The following EYS variants were observed in gnomAD, a reference collection of about 807,000 sequenced individuals.
The protein encoded by EYS is protein eyes shut homolog.
A neutral mutation model predicts 282.1 loss-of-function variants in EYS; 250 were observed. The observed-to-expected ratio is 0.89, with a 90% confidence interval of 0.80 to 0.98. EYS has a LOEUF of 0.98. Among genes scored for constraint, EYS ranks in the 50% least tolerant of loss-of-function variants. The pLI, the probability that EYS is intolerant of heterozygous loss-of-function variation, is 0.00. For synonymous variants in EYS, 1,355 were observed against 1,282.9 expected (o/e 1.06, Z -1.20); for missense variants, 4,016 against 3,709.0 (o/e 1.08, Z -2.15).
intron 35 of EYS, among the ~76,000 whole-genome samples, chr6:63,947,127 A>T (rs1201817020): frequency 6.6e-6 from 1 of 152,054 alleles, no homozygotes; most frequent in African/African-American, 2.4e-5. Flanking sequence ...ATACTTTTTA[A>T]GAAAAGTATA....
intron 8 of EYS, among the ~76,000 whole-genome samples, chr6:65,380,069 T>G (rs899194810): frequency 6.6e-6 from 1 of 152,012 alleles, no homozygotes; most frequent in Non-Finnish European, 1.5e-5. Context: ...GATTCAATGC[T>G]ATTCCCATCA....
rs1769271377 is a variant in EYS at position 65,692,251 on chromosome 6, T to C, written c.-448+14884A>G. ...AACATAGAGCGTGGAATAATAGGCA[T>C]AGGAGACTTGGAAAGTGGGGAGGTG... On this transcript the variant is annotated intron_variant, in intron 1 of 42. Transcript: ENST00000503581. 1.3e-5 allele frequency among the ~76,000 whole-genome samples: 2 copies of C among 150,000 alleles called. 1 individual carries two copies. The highest frequency in any genetic ancestry group is 4.5e-4 in the East Asian group (2 of 4,402).
At chr6:64,075,277 T>C (rs1364550616) in intron 32 of EYS, among the ~76,000 whole-genome samples, 1 of 151,874 alleles carries the variant, frequency 6.6e-6, no homozygotes, top group Non-Finnish European at 1.5e-5. Flanking sequence ...GGTAAGCTAG[T>C]TTGTCAGTGG....
intron 11 of EYS, among the ~76,000 whole-genome samples, chr6:65,322,059 A>G (rs977290914): frequency 6.6e-6 from 1 of 151,192 alleles, no homozygotes; most frequent in Non-Finnish European, 1.5e-5. Context: ...CAGAGAAAAG[A>G]GATGGAGACG....
intron 22 of EYS, among the ~76,000 whole-genome samples, chr6:64,707,886 A>G (rs914834964): frequency 6.6e-6 from 1 of 152,084 alleles, no homozygotes; most frequent in Non-Finnish European, 1.5e-5. Flanking sequence ...AAGAAAAAAA[A>G]CATGAAGTTG....
intron 31 of EYS, among the ~76,000 whole-genome samples, chr6:64,089,402 TAAG>T (rs1174719793): frequency 3.3e-5 from 5 of 149,568 alleles, no homozygotes; most frequent in Non-Finnish European, 4.5e-5. Context: ...TATATATAAA[TAAG>T]AATCAATTTA....
rs746633031 is a variant in EYS at position 65,344,129 on chromosome 6, A to G, written c.1508T>C (p.Leu503Pro). 7 of 1,610,670 alleles carry G rather than the reference A, an allele frequency of 4.3e-6. No homozygotes were observed. In the South Asian group the frequency reaches 5.5e-5, roughly 13 times the overall value. ...CQGVIDAYFF[L>P]AANCTEDATY... is the part of the protein sequence containing the mutation. The stretch of plus-strand genomic sequence containing the variant: ...TGCATCTTCAGTGCAGTTTGCAGCC[A>G]GAAAGAAATAGGCATCAATAACCCC... Residue 503 changes from leucine to proline, a missense_variant, in exon 10 of 43, where the codon CTG (leucine) becomes CCG (proline). Physicochemically the swap from Leu to Pro is moderately conservative, Grantham distance 98. Transcript: ENST00000503581.
intron 7 of EYS, among the ~76,000 whole-genome samples, chr6:65,397,936 A>G (rs1426615832): frequency 1.3e-5 from 2 of 152,056 alleles, no homozygotes; most frequent in African/African-American, 4.8e-5. Flanking sequence ...TTGACTTTTT[A>G]GTAATAACCA....
At chr6:64,423,966 A>G (rs557437608) in intron 28 of EYS, among the ~76,000 whole-genome samples, 1 of 152,336 alleles carries the variant, frequency 6.6e-6, no homozygotes, top group South Asian at 2.1e-4. Flanking sequence ...TTGGAAGAAA[A>G]TGTTTATTTT....
At chr6:64,672,910 A>T (rs1769516659) in intron 22 of EYS, among the ~76,000 whole-genome samples, 1 of 152,200 alleles carries the variant, frequency 6.6e-6, no homozygotes, top group African/African-American at 2.4e-5. Context: ...TATTGCCAGC[A>T]TTCTAAAACT....
chr6:64,318,005 A>C (rs982647889), intron 29 of EYS, among the ~76,000 whole-genome samples: 2 of 151,930 alleles, frequency 1.3e-5, no homozygotes, highest in African/African-American at 2.4e-5. Context: ...AGAGAGGGGA[A>C]TATCACACAC....
chr6:65,341,688 T>C (rs1159514069), intron 10 of EYS, among the ~76,000 whole-genome samples: 1 of 151,240 alleles, frequency 6.6e-6, no homozygotes, highest in Non-Finnish European at 1.5e-5. Context: ...TATAATAATT[T>C]GTTCTTATGT....
intron 19 of EYS, among the ~76,000 whole-genome samples, chr6:64,842,662 G>A (rs1160794950): frequency 6.6e-6 from 1 of 152,054 alleles, no homozygotes; most frequent in African/African-American, 2.4e-5. Context: ...TGGAGCAAAG[G>A]TGACTCTTGC....
intron 10 of EYS, among the ~76,000 whole-genome samples, chr6:65,342,936 T>C (rs1298910812): frequency 2.6e-5 from 4 of 151,058 alleles, no homozygotes; most frequent in Non-Finnish European, 4.5e-5. Flanking sequence ...TTATTAAGTG[T>C]ATTATAATAT....
chr6:64,421,209 T>A (rs951993305), intron 28 of EYS, among the ~76,000 whole-genome samples: 2 of 152,082 alleles, frequency 1.3e-5, no homozygotes, highest in African/African-American at 4.8e-5. Flanking sequence ...CTTCTTCACA[T>A]GGCAGCAGGA....
At chr6:65,546,154 G>A (rs1768376447) in intron 2 of EYS, among the ~76,000 whole-genome samples, 1 of 149,950 alleles carries the variant, frequency 6.7e-6, no homozygotes, top group African/African-American at 2.4e-5. Flanking sequence ...GAGTAACTGG[G>A]ACCACAGGAG....
chr6:65,642,288 G>A (rs889442858), intron 1 of EYS, among the ~76,000 whole-genome samples: 3 of 152,010 alleles, frequency 2.0e-5, no homozygotes, highest in Admixed American at 1.3e-4. Context: ...ACCTTTGATC[G>A]AGCTAAGCAT....
chr6:65,580,782 T>C (rs1764838399), intron 2 of EYS, among the ~76,000 whole-genome samples: 1 of 152,052 alleles, frequency 6.6e-6, no homozygotes, highest in Non-Finnish European at 1.5e-5. Context: ...TAGCTAATGT[T>C]CTAACCAGAA....
intron 35 of EYS, among the ~76,000 whole-genome samples, chr6:63,942,656 T>A (rs1007433127): frequency 3.3e-5 from 5 of 152,122 alleles, no homozygotes; most frequent in African/African-American, 9.7e-5. Context: ...ATATGGACAT[T>A]GAAACTAAAG....
Sources: gnomAD v4.1 joint callset for allele counts (sites outside exome capture counted in the v4.1 genomes callset) on GRCh38, gnomAD v4.1.1 for gene constraint, MANE v1.5 for transcripts, NCBI Gene and HGNC (gene_info 2026-07-23, HGNC 2026-07-21) for gene names.